The following TNS1 variants were observed in gnomAD, a reference collection of about 807,000 sequenced individuals.
TNS1 encodes tensin 1.
In TNS1, 62 loss-of-function variants were observed where a neutral mutation model predicts 168.6. That is an observed-to-expected ratio of 0.37 (90% confidence interval 0.30 to 0.45). TNS1 has a LOEUF of 0.45. Among genes scored for constraint, TNS1 ranks in the 20% least tolerant of loss-of-function variants. The pLI is 1.00. For synonymous variants in TNS1, 934 were observed against 933.2 expected (o/e 1.00, Z -0.02); for missense variants, 2,240 against 2,339.4 (o/e 0.96, Z 0.88).
rs1958922510 is a variant in TNS1, at chr2:218,033,773, G to A, written c.156+47C>T. ...GTGCCCTGGGCTCTGCCAACCGCCAGCTCCCGACTCGGGGCGTCGTCCCTC... is the reference window on the plus strand; with the variant it reads ...GTGCCCTGGGCTCTGCCAACCGCCAACTCCCGACTCGGGGCGTCGTCCCTC... On this transcript the variant is annotated intron_variant, in intron 1 of 1. Transcript: ENST00000649572. The surrounding 1 kb of genome is among the most constrained non-coding windows in gnomAD (Gnocchi z 4.3). 6.6e-6 allele frequency among the ~76,000 whole-genome samples: 1 copy of A among 152,184 alleles called. No homozygotes were observed. Among genetic ancestry groups the A allele is most frequent in the African/African-American group, 2.4e-5 (1 of 41,452 alleles).
chr2:217,968,646 A>T (rs1409754159), intron 3 of TNS1, among the ~76,000 whole-genome samples: 1 of 152,212 alleles, frequency 6.6e-6, no homozygotes, highest in Non-Finnish European at 1.5e-5. Context: ...AAATAAATAT[A>T]AACATATCTC....
chr2:217,841,182 G>T (rs1434771120), intron 19 of TNS1: 1 of 979,722 alleles, frequency 1.0e-6, no homozygotes, highest in East Asian at 1.1e-4. Context: ...GGAGAAGGGG[G>T]AAGGAGAGCC....
intron 3 of TNS1, chr2:217,937,200 C>G (rs552726569): frequency 1.2e-4 from 42 of 357,236 alleles, no homozygotes; most frequent in African/African-American, 7.5e-4. Context: ...CCCTACTCCC[C>G]CCACTAGATC....
chr2:217,905,333 C>A, intron 6 of TNS1: 1 of 439,188 alleles, frequency 2.3e-6, no homozygotes, highest in Non-Finnish European at 4.6e-6. Flanking sequence ...AAGAGGCATG[C>A]TCCCTGCTCC....
chr2:217,808,400 T>C (rs1216843379), intron 31 of TNS1, among the ~76,000 whole-genome samples: 1 of 151,962 alleles, frequency 6.6e-6, no homozygotes, highest in Non-Finnish European at 1.5e-5. Context: ...GGGCACTGAG[T>C]CCCTGGGAGG....
intron 18 of TNS1, among the ~76,000 whole-genome samples, chr2:217,872,486 C>T (rs1294238697): frequency 2.6e-5 from 4 of 152,150 alleles, no homozygotes; most frequent in Non-Finnish European, 4.4e-5. Flanking sequence ...TAGGAAAATG[C>T]AAATTGAAAC....
At position 217,850,554 on chromosome 2, in the gene TNS1, G is replaced by T. The variant is rs114358302; in HGVS notation, c.1430-1467C>A. ...ACTCAGTGATTTCACACCCTGTACA[G>T]TCAGCAGCCCAGCCACCAGCCCCGA... On this transcript the variant is annotated intron_variant, in intron 18 of 32. Transcript: ENST00000682258. 3,343 of 982,558 alleles carry T rather than the reference G, an allele frequency of 3.4e-3. 82 individuals carry two copies. The African/African-American group carries it at 0.055, about 16-fold the overall frequency. The allele number at this position is 982,558 out of a possible 1,614,324, so 60.9% of individuals were successfully genotyped here.
Position 218,032,522 on chromosome 2 carries a change from G to T in TNS1, c.156+1298C>A, listed in dbSNP as rs1391005643. ...GGCAGGGCCTGGGGCAGGAATGGGG[G>T]GTGTGTCTGCAGCAGGACTGGCAGT... On this transcript the variant is annotated intron_variant, in intron 1 of 1. Coordinates refer to the TNS1 transcript ENST00000649572. The surrounding 1 kb of genome is among the most constrained non-coding windows in gnomAD (Gnocchi z 4.0). Among the ~76,000 whole-genome samples the T allele has an allele frequency of 6.6e-6, 1 of 152,296 alleles. No homozygotes were observed. Among genetic ancestry groups the T allele is most frequent in the South Asian group, 2.1e-4 (1 of 4,824 alleles).
rs1283454454 is a variant in TNS1 at position 217,885,580 on chromosome 2, CTG to C, written c.1116+162_1116+163del. On this transcript the variant is annotated intron_variant, in intron 15 of 32. Coordinates refer to ENST00000682258, the MANE Select transcript of TNS1 (RefSeq NM_001387777.1). ...CTAAGCCCAGGGTGAGAGACACAGA[CTG>C]TGTGAGACTGGAAGGTCTTCCAAGA... is the stretch of plus-strand genomic sequence containing the variant. Among the ~76,000 whole-genome samples, 5 of 152,302 alleles carry C rather than the reference CTG, an allele frequency of 3.3e-5. No individual in the cohort carries two copies. The South Asian group carries it at 1.0e-3, about 32-fold the overall frequency.
At chr2:217,920,743 T>C (rs1955624602) in intron 3 of TNS1, among the ~76,000 whole-genome samples, 1 of 152,084 alleles carries the variant, frequency 6.6e-6, no homozygotes, top group African/African-American at 2.4e-5. Context: ...TCCTACCAGC[T>C]CTGGCACTTT....
chr2:217,920,815 T>G (rs1259300926), intron 3 of TNS1, among the ~76,000 whole-genome samples: 2 of 152,006 alleles, frequency 1.3e-5, no homozygotes, highest in East Asian at 1.9e-4. Context: ...AAGAAAGCCA[T>G]GAGTGTGGCT....
At chr2:217,839,693 G>A (rs1186727916) in intron 19 of TNS1, among the ~76,000 whole-genome samples, 2 of 152,168 alleles carry the variant, frequency 1.3e-5, no homozygotes, top group African/African-American at 4.8e-5. Flanking sequence ...GTACCCTGGT[G>A]TCAGGCTTCA....
chr2:217,905,270 C>T (rs1445037813), intron 6 of TNS1: 1 of 343,886 alleles, frequency 2.9e-6, no homozygotes, highest in South Asian at 2.2e-5. Context: ...TATGAGTACC[C>T]CACGCCCAGG....
At chr2:217,814,322 C>G (rs576346696) in intron 25 of TNS1, among the ~76,000 whole-genome samples, 116 of 152,318 alleles carry the variant, frequency 7.6e-4, no homozygotes, top group African/African-American at 2.7e-3. Flanking sequence ...GGCTGGCAAA[C>G]TTACTCTGTA....
chr2:218,001,726 GC>G (rs1213438208), intron 1 of TNS1, among the ~76,000 whole-genome samples: 2 of 151,706 alleles, frequency 1.3e-5, no homozygotes, highest in East Asian at 3.9e-4. Context: ...CTCATTCCAG[GC>G]CCCCTCCCCC....
At chr2:217,855,988 G>A (rs943069326) in intron 18 of TNS1, among the ~76,000 whole-genome samples, 1 of 152,212 alleles carries the variant, frequency 6.6e-6, no homozygotes, top group Non-Finnish European at 1.5e-5. Context: ...CTCCAGCCCA[G>A]TGGACATTAA....
At position 217,865,886 on chromosome 2, in the gene TNS1, G is replaced by A. The variant is rs192988397; in HGVS notation, c.1429+15012C>T. On this transcript the variant is annotated intron_variant, in intron 18 of 32. Transcript: ENST00000682258. ...TCCTGAGTCCCCTTTGCACAAGAAT[G>A]AGCTAGGACCTTGTCAGAACCCTCT... is the stretch of plus-strand genomic sequence containing the variant. Among the ~76,000 whole-genome samples, 9 of 152,312 alleles carry A rather than the reference G, an allele frequency of 5.9e-5. No individual in the cohort carries two copies. The East Asian group carries it at 1.5e-3, about 26-fold the overall frequency.
In TNS1 at chr2:217,966,881, C is replaced by T. The variant is rs375091780; in HGVS notation, c.186+11884G>A. On this transcript the variant is annotated intron_variant, in intron 3 of 32. Coordinates refer to ENST00000682258, the MANE Select transcript of TNS1 (RefSeq NM_001387777.1). ...CCCGAGCAGGAAGCCCACATCACTG[C>T]CTGCTGGTTGCATAACTGGTGTTAA... 2.0e-4 allele frequency among the ~76,000 whole-genome samples: 30 copies of T among 152,274 alleles called. 1 individual carries two copies. The East Asian group carries it at 3.1e-3, about 16-fold the overall frequency.
chr2:218,014,077 A>G (rs1436868167), upstream of TNS1, among the ~76,000 whole-genome samples: 1 of 152,242 alleles, frequency 6.6e-6, no homozygotes, highest in Non-Finnish European at 1.5e-5. Context: ...CAGGGCAGGC[A>G]CAGAGCCCCC....
Sources: gnomAD v4.1 joint callset for allele counts (sites outside exome capture counted in the v4.1 genomes callset) on GRCh38, gnomAD v4.1.1 for gene constraint, Gnocchi (gnomAD v3.1) non-coding constraint, MANE v1.5 for transcripts, NCBI Gene and HGNC (gene_info 2026-07-23, HGNC 2026-07-21) for gene names.